MID1: variants seen among roughly 807,000 people sequenced by gnomAD.
The protein encoded by MID1 is E3 ubiquitin-protein ligase Midline-1.
In MID1, 7 loss-of-function variants were observed where a neutral mutation model predicts 40.4. The ratio of observed to expected loss-of-function variants is 0.17; its 90% CI spans 0.10 to 0.33. The LOEUF (loss-of-function observed/expected upper bound fraction) is 0.33, where lower values mean the gene tolerates loss of function less well. MID1 is among the 10% of genes least tolerant of loss of function. The pLI, the probability that MID1 is intolerant of heterozygous loss-of-function variation, is 1.00. For missense variants in MID1, 367 were observed against 558.5 expected, an observed-to-expected ratio of 0.66 and a Z score of 3.46; for synonymous variants, 229 against 221.2, an observed-to-expected ratio of 1.04 and a Z score of -0.31.
In MID1 at chrX:10,721,504, G is replaced by T. The variant is rs776283353; in HGVS notation, c.-186-101085C>A. 5.4e-5 allele frequency among the ~76,000 whole-genome samples: 6 copies of T among 110,585 alleles called. No individual in the cohort carries two copies. In the South Asian group the frequency reaches 1.6e-3, roughly 29 times the overall value. On this transcript the variant is annotated intron_variant, in intron 1 of 10. Coordinates refer to the MID1 transcript ENST00000380785. ...AATTTTGTGGGTTTCTCACTTATCA[G>T]ATCTAAAGACACAGCATTCTTTGCT... is the stretch of plus-strand genomic sequence containing the variant.
rs752871954 is a variant in MID1, at chrX:10,605,348, C to T, written c.-57+14942G>A. Among the ~76,000 whole-genome samples the T allele has an allele frequency of 6.3e-5, 7 of 111,838 alleles. No individual in the cohort carries two copies. The South Asian group carries it at 2.6e-3, about 42-fold the overall frequency. On this transcript the variant is annotated intron_variant, in intron 1 of 9. Transcript: ENST00000317552. Reference sequence around the variant, plus strand: ...AAGTGTGCATGATGTTACTACATCACAGACTTTAAATGAAGTCACCAGGAG... The same window carrying T: ...AAGTGTGCATGATGTTACTACATCATAGACTTTAAATGAAGTCACCAGGAG...
At chrX:10,615,607 G>A (rs1254696061) in intron 1 of MID1, among the ~76,000 whole-genome samples, 1 of 111,390 alleles carries the variant, frequency 9.0e-6, no homozygotes, top group East Asian at 2.8e-4. Context: ...TTTGTTCTGC[G>A]CCTCAATTTT....
At chrX:10,710,491 T>A (rs1480574578) in intron 1 of MID1, among the ~76,000 whole-genome samples, 1 of 110,604 alleles carries the variant, frequency 9.0e-6, no homozygotes, top group Non-Finnish European at 1.9e-5. Context: ...TAAGTACATA[T>A]ATTATATATA....
chrX:10,722,258 T>C (rs961848071), intron 1 of MID1, among the ~76,000 whole-genome samples: 1 of 112,113 alleles, frequency 8.9e-6, no homozygotes, highest in Non-Finnish European at 1.9e-5. Flanking sequence ...ATTCTACTGG[T>C]GTGCATGTTG....
intron 2 of MID1, among the ~76,000 whole-genome samples, chrX:10,525,500 T>C (rs774970450): frequency 1.8e-5 from 2 of 112,609 alleles, no homozygotes; most frequent in Non-Finnish European, 3.8e-5. Context: ...CCTGTGCTTG[T>C]TGACTATTTC....
chrX:10,629,862 T>A (rs1936033013), intron 1 of MID1, among the ~76,000 whole-genome samples: 1 of 112,095 alleles, frequency 8.9e-6, no homozygotes, highest in Admixed American at 9.4e-5. Context: ...TAGATAGATA[T>A]CTGTACATCT....
intron 1 of MID1, among the ~76,000 whole-genome samples, chrX:10,661,386 C>G (rs995226831): frequency 5.5e-5 from 6 of 108,263 alleles, no homozygotes; most frequent in African/African-American, 2.1e-4. Flanking sequence ...GATCTCGGCT[C>G]ACTGCAAACT....
intron 1 of MID1, among the ~76,000 whole-genome samples, chrX:10,589,167 G>C (rs995097157): frequency 1.8e-5 from 2 of 111,829 alleles, no homozygotes; most frequent in African/African-American, 6.5e-5. Flanking sequence ...ATCTAAGCCA[G>C]GTCAAAACCA....
chrX:10,615,065 A>G (rs753288743), intron 1 of MID1, among the ~76,000 whole-genome samples: 2 of 112,386 alleles, frequency 1.8e-5, no homozygotes, highest in South Asian at 3.7e-4. Context: ...ATTTCTACAA[A>G]TGGACATGTG....
intron 1 of MID1, among the ~76,000 whole-genome samples, chrX:10,690,505 A>T (rs954266453): frequency 3.6e-5 from 4 of 112,336 alleles, no homozygotes; most frequent in African/African-American, 1.3e-4. Context: ...CTTTAGCAAC[A>T]TCATATTCCT....
intron 1 of MID1, among the ~76,000 whole-genome samples, chrX:10,708,025 C>A (rs1307043403): frequency 1.8e-5 from 2 of 112,452 alleles, no homozygotes; most frequent in Non-Finnish European, 3.8e-5. Flanking sequence ...GTTGGTAGAG[C>A]CATGTGAATG....
chrX:10,594,747 T>C (rs1935379655), intron 1 of MID1, among the ~76,000 whole-genome samples: 1 of 112,173 alleles, frequency 8.9e-6, no homozygotes, highest in African/African-American at 3.2e-5. Context: ...TCATGATACA[T>C]TACTTAGGTA....
chrX:10,653,795 A>G (rs1346209463), intron 1 of MID1, among the ~76,000 whole-genome samples: 2 of 112,487 alleles, frequency 1.8e-5, no homozygotes, highest in Non-Finnish European at 3.8e-5. Context: ...GGAAAACAAA[A>G]CTCTTCCCAG....
chrX:10,674,261 G>A (rs1165547317), intron 1 of MID1, among the ~76,000 whole-genome samples: 3 of 112,447 alleles, frequency 2.7e-5, no homozygotes, highest in Non-Finnish European at 3.8e-5. Context: ...GTTCCAAGTA[G>A]CCAGTAACAT....
intron 1 of MID1, among the ~76,000 whole-genome samples, chrX:10,588,539 G>A (rs905042076): frequency 1.8e-4 from 20 of 110,345 alleles, no homozygotes; most frequent in Non-Finnish European, 3.4e-4. Flanking sequence ...GGCTTTTAAA[G>A]GAATAGGGTA....
chrX:10,546,994 A>T (rs1187372634), intron 2 of MID1, among the ~76,000 whole-genome samples: 1 of 112,611 alleles, frequency 8.9e-6, no homozygotes, highest in Non-Finnish European at 1.9e-5. Context: ...ATTTGTCATC[A>T]TTGAAAGTTT....
intron 1 of MID1, among the ~76,000 whole-genome samples, chrX:10,590,730 T>G (rs771979855): frequency 1.8e-5 from 2 of 112,464 alleles, no homozygotes; most frequent in Admixed American, 9.4e-5. Context: ...ATTATCAAAG[T>G]ATGCTTCCTT....
At chrX:10,514,090 T>C (rs1163015243) in intron 3 of MID1, among the ~76,000 whole-genome samples, 1 of 111,783 alleles carries the variant, frequency 8.9e-6, no homozygotes, top group Non-Finnish European at 1.9e-5. Context: ...CATTTAAGTA[T>C]TAACCTTGGA....
chrX:10,567,559 G>A lies in MID1; in HGVS notation c.-12C>T. Reference sequence around the variant, plus strand: ...TCCAGTGTTTCCATCTTCAGGCAAAGCTCTCTTGTGTCATCAGCAAAACCC... The same window carrying A: ...TCCAGTGTTTCCATCTTCAGGCAAAACTCTCTTGTGTCATCAGCAAAACCC... On this transcript the variant is annotated 5_prime_UTR_variant, in exon 2 of 10. Transcript: ENST00000317552. 8.3e-7 allele frequency: 1 copy of A among 1,211,229 alleles called. No homozygotes were observed. The highest frequency in any genetic ancestry group is 1.1e-6 in the Non-Finnish European group (1 of 895,099).
Sources: gnomAD v4.1 joint callset for allele counts (sites outside exome capture counted in the v4.1 genomes callset) on GRCh38, gnomAD v4.1.1 for gene constraint, MANE v1.5 for transcripts, NCBI Gene and HGNC (gene_info 2026-07-23, HGNC 2026-07-21) for gene names.